FABP7: variants seen among roughly 807,000 people sequenced by gnomAD.
FABP7 encodes fatty acid-binding protein, brain.
A neutral mutation model predicts 14.2 loss-of-function variants in FABP7; 13 were observed. The ratio of observed to expected loss-of-function variants is 0.91; its 90% CI spans 0.59 to 1.45. The LOEUF is 1.45. Ranked by LOEUF, FABP7 falls within the 40% of genes most tolerant of loss-of-function variation. FABP7 has a pLI of 0.00. For synonymous variants in FABP7, 49 were observed against 51.4 expected, an observed-to-expected ratio of 0.95 and a Z score of 0.20; for missense variants, 149 against 157.6, an observed-to-expected ratio of 0.95 and a Z score of 0.29.
At chr6:122,772,170 G>T in the FABP7 span, among the ~76,000 whole-genome samples, 2 of 152,278 alleles carry the variant, frequency 1.3e-5, no homozygotes, top group Admixed American at 1.3e-4. Flanking sequence ...TAACCAGGAG[G>T]CTGGAGAGAA....
the FABP7 span, among the ~76,000 whole-genome samples, chr6:122,758,105 C>CTTTTTTTTTT: frequency 2.5e-5 from 3 of 118,372 alleles, no homozygotes; most frequent in Non-Finnish European, 5.1e-5. Flanking sequence ...TATTATCTAG[C>CTTTTTTTTTT]TTTTTTTTTT....
At chr6:122,763,807 T>C in the FABP7 span, among the ~76,000 whole-genome samples, 8 of 152,174 alleles carry the variant, frequency 5.3e-5, no homozygotes, top group African/African-American at 1.7e-4. Context: ...TCATCACTGG[T>C]CATCAGAGAA....
At chr6:122,766,342 T>C in the FABP7 span, among the ~76,000 whole-genome samples, 2 of 152,108 alleles carry the variant, frequency 1.3e-5, no homozygotes, top group Non-Finnish European at 2.9e-5. Flanking sequence ...TTCTCTAACT[T>C]TGAGTGGTTG....
chr6:122,765,885 C>T, the FABP7 span, among the ~76,000 whole-genome samples: 1 of 151,848 alleles, frequency 6.6e-6, no homozygotes, highest in Non-Finnish European at 1.5e-5. Flanking sequence ...TACTCTTATT[C>T]TCTGTCTTCA....
the FABP7 span, among the ~76,000 whole-genome samples, chr6:122,749,763 C>G: frequency 6.6e-6 from 1 of 152,114 alleles, no homozygotes; most frequent in African/African-American, 2.4e-5. Context: ...AGATAAAAGA[C>G]AAATTAACTT....
At chr6:122,756,139 T>C in the FABP7 span, among the ~76,000 whole-genome samples, 2 of 152,188 alleles carry the variant, frequency 1.3e-5, no homozygotes, top group South Asian at 2.1e-4. Flanking sequence ...CCTGGAGACA[T>C]GAGTAAACAA....
the FABP7 span, among the ~76,000 whole-genome samples, chr6:122,763,569 C>G: frequency 2.0e-5 from 3 of 152,088 alleles, no homozygotes; most frequent in African/African-American, 7.2e-5. Context: ...AGCTTCTGCA[C>G]GGCAAAAGAA....
chr6:122,782,657 GAGAATGCTTTACATAGTCCTTGT>G, intron 3 of FABP7: 1 of 985,412 alleles, frequency 1.0e-6, no homozygotes, highest in Non-Finnish European at 1.2e-6. Context: ...AGGAGGGTGT[GAGAATGCTTTACATAGTCCTTGT>G]ACGATGACAG....
At chr6:122,778,931 G>A (rs1582517664), upstream of FABP7, among the ~76,000 whole-genome samples, 1 of 152,128 alleles carries the variant, frequency 6.6e-6, no homozygotes, top group East Asian at 1.9e-4. Context: ...AGGAGATCGG[G>A]GGGAAAAGCA....
the FABP7 span, among the ~76,000 whole-genome samples, chr6:122,770,113 T>G: frequency 1.3e-5 from 2 of 152,130 alleles, no homozygotes; most frequent in Non-Finnish European, 2.9e-5. Flanking sequence ...AATTATCTTT[T>G]TTTTAATGAG....
the FABP7 span, among the ~76,000 whole-genome samples, chr6:122,769,193 T>A: frequency 6.6e-6 from 1 of 152,124 alleles, no homozygotes; most frequent in Non-Finnish European, 1.5e-5. Flanking sequence ...CCTCAGGGTT[T>A]TAAAGATATC....
chr6:122,783,776 C>T lies in FABP7; in HGVS notation c.*9C>T, dbSNP rs375023461. 1.7e-4 allele frequency: 270 copies of T among 1,606,976 alleles called. 1 individual carries two copies. In the African/African-American group the frequency reaches 2.7e-3, roughly 16 times the overall value. ...ACTATGAGAAGGCATAAAAATGTTC[C>T]TGGTCGGGGCTTGGAAGAGCTCTTC... is the stretch of plus-strand genomic sequence containing the variant. On this transcript the variant is annotated 3_prime_UTR_variant, in exon 4 of 4. Transcript: ENST00000368444.
chr6:122,764,456 G>C, the FABP7 span, among the ~76,000 whole-genome samples: 2 of 152,048 alleles, frequency 1.3e-5, no homozygotes, highest in Non-Finnish European at 2.9e-5. Flanking sequence ...GTTAATGGGT[G>C]CAGCACACCA....
the FABP7 span, among the ~76,000 whole-genome samples, chr6:122,757,492 A>G: frequency 0.21 from 31,739 of 151,922 alleles, 3,567 homozygotes; most frequent in Non-Finnish European, 0.25. Flanking sequence ...CAGATATTAG[A>G]TGCAATGTCG....
chr6:122,757,884 T>G, the FABP7 span, among the ~76,000 whole-genome samples: 1 of 152,144 alleles, frequency 6.6e-6, no homozygotes, highest in East Asian at 1.9e-4. Flanking sequence ...TATTTAATTT[T>G]ATATAAAATG....
the FABP7 span, among the ~76,000 whole-genome samples, chr6:122,752,189 T>G: frequency 6.6e-6 from 1 of 152,196 alleles, no homozygotes; most frequent in South Asian, 2.1e-4. Flanking sequence ...AATCAATGAT[T>G]TATATTTCAA....
intron 3 of FABP7, chr6:122,781,604 CT>C (rs1407844894): frequency 8.7e-7 from 1 of 1,154,052 alleles, no homozygotes; most frequent in African/African-American, 1.6e-5. Context: ...TTTATAGCTC[CT>C]GTAATAAGAG....
the FABP7 span, among the ~76,000 whole-genome samples, chr6:122,763,140 A>G: frequency 3.3e-5 from 5 of 152,224 alleles, no homozygotes; most frequent in Non-Finnish European, 7.3e-5. Flanking sequence ...TTCAAACTAT[A>G]CTATAAGGGT....
At chr6:122,769,454 A>G in the FABP7 span, among the ~76,000 whole-genome samples, 3 of 152,176 alleles carry the variant, frequency 2.0e-5, no homozygotes, top group African/African-American at 7.2e-5. Flanking sequence ...TAAATATACA[A>G]AATTTATTAT....
Sources: gnomAD v4.1 joint callset for allele counts (sites outside exome capture counted in the v4.1 genomes callset) on GRCh38, gnomAD v4.1.1 for gene constraint, MANE v1.5 for transcripts, NCBI Gene and HGNC (gene_info 2026-07-23, HGNC 2026-07-21) for gene names.